URB1: variants seen among roughly 807,000 people sequenced by gnomAD.
The protein encoded by URB1 is URB1 ribosome biogenesis factor.
URB1 carries 197 observed loss-of-function variants against 242.3 expected under a neutral mutation model. The observed-to-expected ratio is 0.81, with a 90% CI of 0.72 to 0.91. URB1 has a LOEUF of 0.91. Among genes scored for constraint, URB1 ranks in the 40% least tolerant of loss-of-function variants. URB1 has a pLI of 0.00. For missense variants in URB1, 2,721 were observed against 2,860.5 expected, an observed-to-expected ratio of 0.95 and a Z score of 1.11; for synonymous variants, 1,153 against 1,201.8, an observed-to-expected ratio of 0.96 and a Z score of 0.84.
chr21:32,383,333 G>C (rs924015716), intron 4 of URB1, 89 bp downstream of exon 4: 1 of 1,416,790 alleles, frequency 7.1e-7, no homozygotes, highest in East Asian at 2.6e-5. Flanking sequence ...TCTGTGTGGG[G>C]ATCAGGGGCA....
At position 32,338,693 on chromosome 21, in the gene URB1, G is replaced by T; in HGVS notation, c.4510+14C>A. 6.4e-7 allele frequency: 1 copy of T among 1,550,600 alleles called. No individual in the cohort carries two copies. Among genetic ancestry groups the T allele is most frequent in the South Asian group, 1.2e-5 (1 of 83,984 alleles). On this transcript the variant is annotated intron_variant, in intron 26 of 38. Transcript: ENST00000382751. ...ATCTGGATACGGAATGGAAGGGCTG[G>T]GGTGAGGGGTCACCTTTTACTTGGC...
intron 20 of URB1, among the ~76,000 whole-genome samples, 161 bp downstream of exon 20, chr21:32,350,543 G>C (rs1601138863): frequency 2.0e-5 from 3 of 152,254 alleles, no homozygotes; most frequent in Admixed American, 2.0e-4. Context: ...TGAGGGACAT[G>C]AAGAGTTTGC....
rs1193312872 is a variant in URB1, at chr21:32,355,460, A to G, written c.2095T>C (p.Phe699Leu). 2 of 1,551,804 alleles carry G rather than the reference A, an allele frequency of 1.3e-6. No homozygotes were observed. The highest frequency in any genetic ancestry group is 2.4e-5 in the South Asian group (2 of 84,058). ...AAATATGTGCTTACGCGTTCCAGAA[A>G]CTGAATCACAGTCTCTTTGTCCTCT... ...MEEDKETVIQ[F>L]LERILLTLVA... is the part of the protein sequence containing the mutation. The change falls in exon 16 of 39, where the codon TTT becomes CTT. Residue 699 changes from phenylalanine to leucine, a missense_variant. By Grantham distance (22) the Phe-to-Leu change is conservative. Coordinates refer to ENST00000382751, the MANE Select transcript of URB1 (RefSeq NM_014825.3).
In URB1 at chr21:32,317,006, G is replaced by C. The variant is rs751349717; in HGVS notation, c.6094C>G (p.Arg2032Gly). 3 of 1,550,434 alleles carry C rather than the reference G, an allele frequency of 1.9e-6. No individual in the cohort carries two copies. The highest frequency in any genetic ancestry group is 2.7e-5 in the African/African-American group (2 of 72,966). The change falls in exon 38 of 39, where the codon CGA (arginine) becomes GGA (glycine). Residue 2032 changes from arginine to glycine, a missense_variant. By Grantham distance (125) the Arg-to-Gly change is moderately radical. Transcript: ENST00000382751. ...MPARAKGPRG[R>G]KRRPGEAEEM... Reference sequence around the variant, plus strand: ...TCTGCCTCCCCAGGCCTCCTCTTTCGGCCCCGTGGGCCTTTGGCTCGGGCT... The same window carrying C: ...TCTGCCTCCCCAGGCCTCCTCTTTCCGCCCCGTGGGCCTTTGGCTCGGGCT...
At position 32,368,172 on chromosome 21, in the gene URB1, A is replaced by G. The variant is rs550293354; in HGVS notation, c.1197+231T>C. Among the ~76,000 whole-genome samples, 13 of 152,162 alleles carry G rather than the reference A, an allele frequency of 8.5e-5. No homozygotes were observed. In the South Asian group the frequency reaches 2.7e-3, roughly 32 times the overall value. On this transcript the variant is annotated intron_variant, in intron 9 of 38. Coordinates refer to ENST00000382751, the MANE Select transcript of URB1 (RefSeq NM_014825.3). ...AACCTCCGCCTCCCAGGTTCAAGTAATTCTCCTGTCTCAGGCTCCCAAGTA... is the reference window on the plus strand; with the variant it reads ...AACCTCCGCCTCCCAGGTTCAAGTAGTTCTCCTGTCTCAGGCTCCCAAGTA...
rs1244604913 is a variant in URB1 at position 32,314,711 on chromosome 21, G to A, written c.*207C>T. 1.9e-6 allele frequency: 3 copies of A among 1,553,228 alleles called. No individual in the cohort carries two copies. Among genetic ancestry groups the A allele is most frequent in the South Asian group, 2.2e-5 (2 of 89,618 alleles). On this transcript the variant is annotated 3_prime_UTR_variant, in exon 39 of 39. Transcript: ENST00000382751. The stretch of plus-strand genomic sequence containing the variant: ...TCCCCACATTCCTTGCAACTCTGAT[G>A]CTGGGCACCTACAGGCCCGAGTTTA...
rs1224180387 is a variant in URB1 at position 32,345,444 on chromosome 21, G to A, written c.4000C>T (p.Arg1334Ter). 14 of 1,551,426 alleles carry A rather than the reference G, an allele frequency of 9.0e-6. No individual in the cohort carries two copies. Among genetic ancestry groups the A allele is most frequent in the East Asian group, 2.4e-5 (1 of 40,910 alleles). Residue 1334 changes from arginine to a stop codon, truncating the protein, a stop_gained, in exon 23 of 39, where the codon CGA (arginine) becomes TGA (stop). Coordinates refer to ENST00000382751, the MANE Select transcript of URB1 (RefSeq NM_014825.3). LOFTEE classifies it high-confidence loss of function. ...EILAQLVPFA[R>*]AKDLSVLMDR... The stretch of plus-strand genomic sequence containing the variant: ...ATGAGTACACTGAGATCCTTGGCTC[G>A]TGCAAACGGGACCAGCTGTGCCAGG...
intron 17 of URB1, 101 bp downstream of exon 17, chr21:32,354,758 T>C (rs1459257172): frequency 2.1e-6 from 3 of 1,413,228 alleles, no homozygotes; most frequent in Non-Finnish European, 2.8e-6. Context: ...TGTGTGCACT[T>C]GGCCTAGGGC....
rs1422774039 is a variant in URB1, at chr21:32,347,708, A to G, written c.3116T>C (p.Val1039Ala). ...GTGGGTGGCCAGGAGCTTCACGAGG[A>G]CAGGGCTGAGCGTGTGCGGCGGGAG... ...QALPPHTLSP[V>A]LVKLLATHFS... Residue 1039 changes from valine to alanine, a missense_variant, in exon 22 of 39, where the codon GTC (valine) becomes GCC (alanine). Transcript: ENST00000382751. 1 of 1,551,180 alleles carries G rather than the reference A, an allele frequency of 6.4e-7. No individual in the cohort carries two copies. The highest frequency in any genetic ancestry group is 1.2e-5 in the South Asian group (1 of 84,062).
At chr21:32,383,981 GT>G (rs1262091350) in intron 3 of URB1, among the ~76,000 whole-genome samples, 1 of 152,220 alleles carries the variant, frequency 6.6e-6, no homozygotes, top group East Asian at 1.9e-4. Context: ...GCAAGGCCCT[GT>G]TCTAGGTGCT....
At chr21:32,345,802 G>A (rs1270790472) in intron 22 of URB1, among the ~76,000 whole-genome samples, 2 of 152,072 alleles carry the variant, frequency 1.3e-5, no homozygotes, top group Non-Finnish European at 2.9e-5. Flanking sequence ...ACTCTTGATG[G>A]ATACTCTTCA....
chr21:32,334,900 T>C (rs1218789389), intron 28 of URB1, among the ~76,000 whole-genome samples: 2 of 152,158 alleles, frequency 1.3e-5, no homozygotes, highest in Non-Finnish European at 2.9e-5. Flanking sequence ...ACAACCTTCA[T>C]ACCTCAACCG....
At position 32,372,489 on chromosome 21, in the gene URB1, AAG is replaced by A. The variant is rs1568829106; in HGVS notation, c.1001+16_1001+17del. ...GGAACATACACACCCTGGGGTCCAC[AAG>A]AGTGTTATACTTTACCTGCCAAAGG... On this transcript the variant is annotated intron_variant, in intron 8 of 38. Transcript: ENST00000382751. The A allele has an allele frequency of 1.3e-6, 2 of 1,549,788 alleles. No homozygotes were observed. Among genetic ancestry groups the A allele is most frequent in the Non-Finnish European group, 1.7e-6 (2 of 1,146,702 alleles).
intron 36 of URB1, among the ~76,000 whole-genome samples, chr21:32,318,443 C>T (rs957115003): frequency 6.6e-6 from 1 of 152,240 alleles, no homozygotes; most frequent in Admixed American, 6.5e-5. Flanking sequence ...TAAATAGCAA[C>T]TGGTTCTTAG....
rs34078592 is a variant in URB1, at chr21:32,330,197, GTTTTT to G, written c.4960+3115_4960+3119del. On this transcript the variant is annotated intron_variant, in intron 30 of 38. Coordinates refer to ENST00000382751, the MANE Select transcript of URB1 (RefSeq NM_014825.3). Reference sequence around the variant, plus strand: ...CTAAGAAATGTACTTTTTGGGGAGTGTTTTTTTTTTTTTTTTTTTTTTTGGGTATA... The same window carrying G: ...CTAAGAAATGTACTTTTTGGGGAGTGTTTTTTTTTTTTTTTTTTGGGTATA... 3.3e-3 allele frequency among the ~76,000 whole-genome samples: 279 copies of G among 84,702 alleles called. 2 individuals carry two copies. Among genetic ancestry groups the G allele is most frequent in the South Asian group, 0.021 (44 of 2,050 alleles). 55.6% of individuals were successfully genotyped at this position (84,702 alleles called of 152,430 possible).
At position 32,350,753 on chromosome 21, in the gene URB1, G is replaced by A; in HGVS notation, c.2783C>T (p.Ala928Val). The A allele has an allele frequency of 1.3e-6, 2 of 1,551,506 alleles. No individual in the cohort carries two copies. Among genetic ancestry groups the A allele is most frequent in the South Asian group, 1.2e-5 (1 of 84,050 alleles). The change falls in exon 20 of 39, where the codon GCC becomes GTC. Residue 928 changes from alanine (A) to valine (V), a missense_variant. Coordinates refer to ENST00000382751, the MANE Select transcript of URB1 (RefSeq NM_014825.3). ...CCGCAGGTAGAGCAACACCTGCTTG[G>A]CCGCGAGCAGGACCTGCTGCATGGA... ...HLSMQQVLLAAKQVLLYLRST... is the reference protein window; with the variant it reads ...HLSMQQVLLAVKQVLLYLRST...
chr21:32,318,821 G>A (rs1159107112), intron 36 of URB1, among the ~76,000 whole-genome samples: 1 of 152,134 alleles, frequency 6.6e-6, no homozygotes, highest in Non-Finnish European at 1.5e-5. Flanking sequence ...GGCAAGTTTG[G>A]GAACACCCTG....
rs957143460 is a variant in URB1 at position 32,357,522 on chromosome 21, G to A, written c.1989+15C>T. ...AAATGCTTTTCAGAGTTAGAAACTG[G>A]TAGAAAATGCTCACCTTCATGATCA... On this transcript the variant is annotated intron_variant, in intron 15 of 38. Transcript: ENST00000382751. The A allele has an allele frequency of 4.7e-6, 7 of 1,494,516 alleles. No individual in the cohort carries two copies. The highest frequency in any genetic ancestry group is 5.2e-5 in the Admixed American group (2 of 38,728). 92.6% of individuals were successfully genotyped at this position (1,494,516 alleles called of 1,614,324 possible). A position where few individuals can be genotyped will look rare whatever the true frequency, so the allele number is the denominator to read the frequency against.
At chr21:32,362,299 A>T (rs2033298561) in intron 11 of URB1, among the ~76,000 whole-genome samples, 2 of 151,716 alleles carry the variant, frequency 1.3e-5, no homozygotes, top group South Asian at 4.2e-4. Flanking sequence ...TCCGCCTCCC[A>T]GGTTCAAGTG....
Sources: gnomAD v4.1 joint callset for allele counts (sites outside exome capture counted in the v4.1 genomes callset) on GRCh38, gnomAD v4.1.1 for gene constraint, MANE v1.5 for transcripts, NCBI Gene and HGNC (gene_info 2026-07-23, HGNC 2026-07-21) for gene names.